SOS2: variants seen among roughly 807,000 people sequenced by gnomAD.
The protein encoded by SOS2 is SOS Ras/Rho guanine nucleotide exchange factor 2, also known as son of sevenless homolog 2.
Under a neutral mutation model 148.2 loss-of-function variants are expected in SOS2, and 65 were observed. The ratio of observed to expected loss-of-function variants is 0.44; its 90% CI spans 0.36 to 0.54. SOS2 has a LOEUF of 0.54. SOS2 is among the 20% of genes least tolerant of loss of function. The probability of loss-of-function intolerance (pLI) is 0.00; values close to 1 mark genes in which losing one functional copy is unlikely to be tolerated. For synonymous variants in SOS2, 539 were observed against 537.1 expected, an observed-to-expected ratio of 1.00 and a Z score of -0.05; for missense variants, 1,341 against 1,590.2, an observed-to-expected ratio of 0.84 and a Z score of 2.67.
At position 50,142,168 on chromosome 14, in the gene SOS2, T is replaced by C. The variant is rs1240901610; in HGVS notation, c.2668-2109A>G. Among the ~76,000 whole-genome samples the C allele has an allele frequency of 2.6e-5, 4 of 151,980 alleles. No individual in the cohort carries two copies. The East Asian group carries it at 5.8e-4, about 22-fold the overall frequency. ...GATTACAGGCGCCCGCCAGCATGCC[T>C]GGGTAATTTTTATATTTTTAGTAAA... is the stretch of plus-strand genomic sequence containing the variant. On this transcript the variant is annotated intron_variant, in intron 16 of 22. Transcript: ENST00000216373.
chr14:50,120,665 C>T (rs1883471787), intron 21 of SOS2, among the ~76,000 whole-genome samples: 1 of 149,430 alleles, frequency 6.7e-6, no homozygotes, highest in African/African-American at 2.4e-5. Flanking sequence ...AAAAGCCTTT[C>T]ACAAATCAAA....
chr14:50,180,526 G>C, intron 7 of SOS2, 46 bp downstream of exon 7: 1 of 685,952 alleles, frequency 1.5e-6, no homozygotes, highest in Non-Finnish European at 2.2e-6. Context: ...ATATTTATTT[G>C]CTTTATTAAA....
intron 4 of SOS2, 151 bp downstream of exon 4, chr14:50,199,540 T>TA (rs1199680418): frequency 7.1e-6 from 3 of 424,238 alleles, no homozygotes; most frequent in South Asian, 1.5e-4. Flanking sequence ...AACCTGGAAA[T>TA]ATCACGGTTA....
intron 9 of SOS2, among the ~76,000 whole-genome samples, chr14:50,161,220 G>A (rs1884997805): frequency 6.7e-6 from 1 of 148,592 alleles, no homozygotes; most frequent in African/African-American, 2.5e-5. Context: ...TGGAACGCAG[G>A]AGGCTAAGGC....
chr14:50,174,598 G>A, intron 7 of SOS2, 46 bp from the exon 8 acceptor site: 1 of 1,174,008 alleles, frequency 8.5e-7, no homozygotes, highest in Non-Finnish European at 1.2e-6. Flanking sequence ...CTGACATCAA[G>A]GATATGCAAC....
At chr14:50,175,635 AGT>A (rs1007738713) in intron 7 of SOS2, among the ~76,000 whole-genome samples, 1 of 152,054 alleles carries the variant, frequency 6.6e-6, no homozygotes, top group Admixed American at 6.6e-5. Flanking sequence ...GAAAAATCTT[AGT>A]GTATAGCTTG....
intron 21 of SOS2, among the ~76,000 whole-genome samples, chr14:50,122,957 G>A (rs984630816): frequency 1.6e-4 from 25 of 152,090 alleles, no homozygotes; most frequent in Admixed American, 1.2e-3. Context: ...CAATATAACC[G>A]TGAACAAAAC....
chr14:50,178,700 A>T (rs1269500524), intron 7 of SOS2, among the ~76,000 whole-genome samples: 1 of 50,738 alleles, frequency 2.0e-5, no homozygotes, highest in South Asian at 5.2e-4. Context: ...ATATATATAT[A>T]TATATATATA....
At chr14:50,164,804 C>T (rs983306209) in intron 8 of SOS2, among the ~76,000 whole-genome samples, 2 of 152,094 alleles carry the variant, frequency 1.3e-5, no homozygotes, top group Admixed American at 6.6e-5. Context: ...CTTGAAGATG[C>T]CTTCTGATTA....
chr14:50,227,574 C>T (rs1375260919), intron 1 of SOS2, among the ~76,000 whole-genome samples: 3 of 152,038 alleles, frequency 2.0e-5, no homozygotes, highest in East Asian at 1.9e-4. Context: ...CCACCACGCC[C>T]GGCTAATTTT....
At position 50,174,524 on chromosome 14, in the gene SOS2, A is replaced by G. The variant is rs1415081233; in HGVS notation, c.998T>C (p.Val333Ala). 1.2e-6 allele frequency: 2 copies of G among 1,609,502 alleles called. No individual in the cohort carries two copies. Among genetic ancestry groups the G allele is most frequent in the Non-Finnish European group, 1.7e-6 (2 of 1,177,046 alleles). Residue 333 changes from valine to alanine, a missense_variant, in exon 8 of 23, where the codon GTT becomes GCT. By Grantham distance (64) the Val-to-Ala change is moderately conservative. Around this residue, in one of 4 missense-constraint regions of SOS2, gnomAD observed 574 missense variants for 711.1 expected, o/e 0.81. Coordinates refer to ENST00000216373, the MANE Select transcript of SOS2 (RefSeq NM_006939.4). ...CATAAGACGTGGAAGGACATAACGA[A>G]CTGCCTCTTTAAAACCATCAGCAAT... is the stretch of plus-strand genomic sequence containing the variant. ...QSIADGFKEA[V>A]RYVLPRLMLV...
chr14:50,145,092 A>G lies in SOS2; in HGVS notation c.2667+78T>C, dbSNP rs1454108441. ...ATTTACAAAGAATTTAATTAAAAAGACAGATGATAGATGAAATTTCTTTTA... is the reference window on the plus strand; with the variant it reads ...ATTTACAAAGAATTTAATTAAAAAGGCAGATGATAGATGAAATTTCTTTTA... On this transcript the variant is annotated intron_variant, in intron 16 of 22. Coordinates refer to ENST00000216373, the MANE Select transcript of SOS2 (RefSeq NM_006939.4). The G allele has an allele frequency of 2.4e-5, 17 of 718,006 alleles. No individual in the cohort carries two copies. In the East Asian group the frequency reaches 5.1e-4, roughly 21 times the overall value. 44.5% of individuals were successfully genotyped at this position (718,006 alleles called of 1,614,324 possible). A position where few individuals can be genotyped will look rare whatever the true frequency, so the allele number is the denominator to read the frequency against.
intron 8 of SOS2, among the ~76,000 whole-genome samples, chr14:50,172,979 T>C (rs915749512): frequency 5.3e-5 from 8 of 152,186 alleles, no homozygotes; most frequent in African/African-American, 1.9e-4. Context: ...AATTCCCACA[T>C]ATCTTGCTCA....
intron 5 of SOS2, among the ~76,000 whole-genome samples, chr14:50,183,693 G>C (rs1022504217): frequency 1.3e-5 from 2 of 152,132 alleles, no homozygotes; most frequent in African/African-American, 4.8e-5. Context: ...TTTACTTATA[G>C]CTTAGGCTAT....
At chr14:50,203,571 C>T (rs752063318) in intron 2 of SOS2, among the ~76,000 whole-genome samples, 9 of 146,012 alleles carry the variant, frequency 6.2e-5, no homozygotes, top group Non-Finnish European at 1.0e-4. Context: ...TATTTTAGTA[C>T]TAATTTAAAC....
intron 21 of SOS2, among the ~76,000 whole-genome samples, chr14:50,120,698 G>A (rs1883472786): frequency 6.9e-6 from 1 of 145,400 alleles, no homozygotes; most frequent in Admixed American, 6.8e-5. Flanking sequence ...TAAATACACT[G>A]TAGTAACTTC....
At chr14:50,181,520 A>G (rs1295291116) in intron 6 of SOS2, among the ~76,000 whole-genome samples, 1 of 152,146 alleles carries the variant, frequency 6.6e-6, no homozygotes, top group Non-Finnish European at 1.5e-5. Context: ...CAATAACAAA[A>G]AAAAAAAGGA....
intron 8 of SOS2, among the ~76,000 whole-genome samples, chr14:50,169,766 T>C (rs1885300123): frequency 6.6e-6 from 1 of 152,150 alleles, no homozygotes; most frequent in Admixed American, 6.5e-5. Context: ...GCAATATATA[T>C]TGTTACATAT....
chr14:50,192,560 A>AAAAAAC (rs768910970), intron 4 of SOS2, among the ~76,000 whole-genome samples: 39 of 151,034 alleles, frequency 2.6e-4, no homozygotes, highest in Non-Finnish European at 4.6e-4. Context: ...TGTCTTTAAA[A>AAAAAAC]AAAAACAAAA....
Sources: gnomAD v4.1 joint callset for allele counts (sites outside exome capture counted in the v4.1 genomes callset) on GRCh38, gnomAD v4.1.1 for gene constraint, gnomAD v4.1.1 regional missense constraint, MANE v1.5 for transcripts, NCBI Gene and HGNC (gene_info 2026-07-23, HGNC 2026-07-21) for gene names.